The following ANKRD55 variants were observed in gnomAD, a reference collection of about 807,000 sequenced individuals.
ANKRD55 encodes ankyrin repeat domain 55, also known as ankyrin repeat domain-containing protein 55.
A neutral mutation model predicts 60.6 loss-of-function variants in ANKRD55; 41 were observed. The ratio of observed to expected loss-of-function variants is 0.68; its 90% CI spans 0.53 to 0.88. ANKRD55 has a LOEUF of 0.88. Among genes scored for constraint, ANKRD55 ranks in the 40% least tolerant of loss-of-function variants. ANKRD55 has a pLI of 0.00. For synonymous variants in ANKRD55, 264 were observed against 290.3 expected, an observed-to-expected ratio of 0.91 and a Z score of 0.92; for missense variants, 732 against 767.6, an observed-to-expected ratio of 0.95 and a Z score of 0.55.
At chr5:56,137,388 C>A in intron 7 of ANKRD55, 2 of 1,048,800 alleles carry the variant, frequency 1.9e-6, no homozygotes, top group Non-Finnish European at 2.9e-6. Flanking sequence ...TCGGATTAAC[C>A]CATACATGAG....
At chr5:56,153,713 T>C (rs759125587) in intron 6 of ANKRD55, among the ~76,000 whole-genome samples, 1 of 151,776 alleles carries the variant, frequency 6.6e-6, no homozygotes, top group Non-Finnish European at 1.5e-5. Context: ...GGTGGGTGCC[T>C]GTAATCCCAG....
At chr5:56,191,610 G>C (rs1759093710) in intron 2 of ANKRD55, among the ~76,000 whole-genome samples, 1 of 152,170 alleles carries the variant, frequency 6.6e-6, no homozygotes, top group Non-Finnish European at 1.5e-5. Context: ...TATAAAAATG[G>C]ACCGAGTCAC....
chr5:56,223,922 G>A (rs926850303), intron 2 of ANKRD55, among the ~76,000 whole-genome samples: 3 of 152,168 alleles, frequency 2.0e-5, no homozygotes, highest in African/African-American at 7.2e-5. Context: ...ACATTAGACA[G>A]ATCCATGAGA....
intron 4 of ANKRD55, among the ~76,000 whole-genome samples, chr5:56,174,532 G>A (rs369892226): frequency 6.0e-4 from 92 of 152,136 alleles, no homozygotes; most frequent in Admixed American, 1.6e-3. Flanking sequence ...ATGGGACTTC[G>A]GCTAATATGC....
intron 2 of ANKRD55, among the ~76,000 whole-genome samples, chr5:56,200,980 C>A (rs1225115583): frequency 6.6e-6 from 1 of 152,132 alleles, no homozygotes; most frequent in Non-Finnish European, 1.5e-5. Context: ...ACTCATCTAC[C>A]ATATGCTAGT....
chr5:56,131,018 GC>G (rs1757395227), intron 7 of ANKRD55, among the ~76,000 whole-genome samples: 1 of 152,032 alleles, frequency 6.6e-6, no homozygotes, highest in African/African-American at 2.4e-5. Flanking sequence ...TAACATACAG[GC>G]AATAGGAATA....
At chr5:56,162,928 C>T (rs1758368285) in intron 5 of ANKRD55, among the ~76,000 whole-genome samples, 1 of 152,064 alleles carries the variant, frequency 6.6e-6, no homozygotes, top group Admixed American at 6.6e-5. Flanking sequence ...CTCAGCCGCC[C>T]GAAGTGCTGG....
At chr5:56,126,593 G>GA (rs35804259) in intron 8 of ANKRD55, among the ~76,000 whole-genome samples, 76,930 of 148,490 alleles carry the variant, frequency 0.52, 20,162 homozygotes, top group African/African-American at 0.6. Flanking sequence ...CAAGAATGAA[G>GA]AAAAAAAAAA....
intron 2 of ANKRD55, among the ~76,000 whole-genome samples, chr5:56,195,880 T>C (rs559502296): frequency 6.6e-6 from 1 of 152,382 alleles, no homozygotes; most frequent in South Asian, 2.1e-4. Context: ...CACCAATTTT[T>C]ACCTATTATC....
At chr5:56,154,513 G>A (rs930967404) in intron 6 of ANKRD55, among the ~76,000 whole-genome samples, 7 of 151,672 alleles carry the variant, frequency 4.6e-5, no homozygotes, top group African/African-American at 1.2e-4. Context: ...GCTCTCACTA[G>A]CAATGACCAA....
At chr5:56,118,514 C>T (rs1756944026) in intron 8 of ANKRD55, among the ~76,000 whole-genome samples, 1 of 151,988 alleles carries the variant, frequency 6.6e-6, no homozygotes, top group African/African-American at 2.4e-5. Context: ...GTCTCAGCTA[C>T]TTGGGAGGCT....
chr5:56,165,825 A>AGGGG (rs1758433681), intron 5 of ANKRD55, among the ~76,000 whole-genome samples: 1 of 152,134 alleles, frequency 6.6e-6, no homozygotes, highest in African/African-American at 2.4e-5. Flanking sequence ...GCTACTCGGG[A>AGGGG]GGCTGAGGCA....
chr5:56,101,295 A>G (rs1344253311), intron 11 of ANKRD55, among the ~76,000 whole-genome samples: 1 of 152,194 alleles, frequency 6.6e-6, no homozygotes, highest in Non-Finnish European at 1.5e-5. Context: ...CACTATTGTT[A>G]TGGACGGTGA....
intron 3 of ANKRD55, 124 bp from the exon 4 acceptor site, chr5:56,176,406 G>T (rs892350615): frequency 1.2e-5 from 12 of 991,584 alleles, no homozygotes; most frequent in African/African-American, 9.7e-5. Flanking sequence ...GTATGGGACT[G>T]AAGGGAGATG....
intron 5 of ANKRD55, among the ~76,000 whole-genome samples, chr5:56,167,412 T>C (rs1157231073): frequency 6.6e-6 from 1 of 152,240 alleles, no homozygotes; most frequent in Non-Finnish European, 1.5e-5. Context: ...GGGACCATCA[T>C]TACACATGCA....
At chr5:56,121,067 G>A (rs550444096) in intron 8 of ANKRD55, among the ~76,000 whole-genome samples, 6 of 152,152 alleles carry the variant, frequency 3.9e-5, no homozygotes, top group South Asian at 2.1e-4. Flanking sequence ...CCAAGATGGC[G>A]CCCGTGCCCA....
chr5:56,204,036 G>A (rs1421823590), intron 2 of ANKRD55, among the ~76,000 whole-genome samples: 5 of 152,178 alleles, frequency 3.3e-5, no homozygotes, highest in African/African-American at 1.2e-4. Context: ...ACTGGTGTGA[G>A]ATGGTATCTC....
At chr5:56,232,811 C>A in intron 2 of ANKRD55, 45 bp downstream of exon 2, 1 of 1,569,126 alleles carries the variant, frequency 6.4e-7, no homozygotes, top group Non-Finnish European at 8.8e-7. Context: ...TACCATGAGA[C>A]TAAGGATGCT....
intron 2 of ANKRD55, among the ~76,000 whole-genome samples, chr5:56,185,185 T>C (rs537721976): frequency 1.2e-4 from 18 of 151,850 alleles, no homozygotes; most frequent in African/African-American, 3.9e-4. Context: ...ATTGCACCAC[T>C]GCACTCTAGC....
Sources: gnomAD v4.1 joint callset for allele counts (sites outside exome capture counted in the v4.1 genomes callset) on GRCh38, gnomAD v4.1.1 for gene constraint, MANE v1.5 for transcripts, NCBI Gene and HGNC (gene_info 2026-07-23, HGNC 2026-07-21) for gene names.